NSD2: variants seen among roughly 807,000 people sequenced by gnomAD.
NSD2 encodes histone-lysine N-methyltransferase NSD2.
NSD2 carries 12 observed loss-of-function variants against 139.0 expected under a neutral mutation model. The ratio of observed to expected loss-of-function variants is 0.09; its 90% CI spans 0.06 to 0.14. The LOEUF (loss-of-function observed/expected upper bound fraction) is 0.14. NSD2 is among the 10% of genes least tolerant of loss of function. NSD2 has a pLI of 1.00. For synonymous variants in NSD2, 669 were observed against 648.7 expected, an observed-to-expected ratio of 1.03 and a Z score of -0.48; for missense variants, 1,155 against 1,745.0, an observed-to-expected ratio of 0.66 and a Z score of 6.02.
At chr4:1,873,280 C>A (rs191279552) in intron 1 of NSD2, among the ~76,000 whole-genome samples, 1 of 152,228 alleles carries the variant, frequency 6.6e-6, no homozygotes, top group East Asian at 1.9e-4. Context: ...CAGAGTCTGG[C>A]CTCTGATTAT....
At chr4:1,884,387 G>A (rs147770113) in intron 1 of NSD2, among the ~76,000 whole-genome samples, 2,263 of 149,860 alleles carry the variant, frequency 0.015, 24 homozygotes, top group Non-Finnish European at 0.024. Flanking sequence ...GTGAGCCACC[G>A]CAGGCCCCTT....
rs1724802272 is a variant in NSD2, at chr4:1,956,350, G to A, written c.2881+162G>A. On this transcript the variant is annotated intron_variant, in intron 15 of 21. Transcript: ENST00000508803. This position sits in a 1 kb window ranked among gnomAD's most constrained non-coding sequence, Gnocchi z 5.3. ...GTTTGCAGTCTGGTTTATTTGTTGA[G>A]CATAGAATAAGATACACTGATAACT... Among the ~76,000 whole-genome samples the A allele has an allele frequency of 6.6e-6, 1 of 152,112 alleles. No homozygotes were observed. The highest frequency in any genetic ancestry group is 1.5e-5 in the Non-Finnish European group (1 of 68,034).
At chr4:1,964,626 CG>C (rs1218616711) in intron 18 of NSD2, among the ~76,000 whole-genome samples, 3 of 150,760 alleles carry the variant, frequency 2.0e-5, no homozygotes, top group African/African-American at 7.3e-5. Context: ...CAAAGAGGTG[CG>C]CTGCGCTGCC....
intron 3 of NSD2, among the ~76,000 whole-genome samples, chr4:1,907,820 C>T (rs1370560712): frequency 6.6e-6 from 1 of 152,002 alleles, no homozygotes; most frequent in Non-Finnish European, 1.5e-5. Flanking sequence ...ACCATGTTGG[C>T]CAGGATGATC....
chr4:1,952,315 G>C (rs992405096), intron 11 of NSD2, 84 bp downstream of exon 11: 27 of 1,573,524 alleles, frequency 1.7e-5, no homozygotes, highest in Non-Finnish European at 2.2e-5. Flanking sequence ...GCCCTGAGCT[G>C]CCTGCAGAGG....
intron 17 of NSD2, among the ~76,000 whole-genome samples, chr4:1,960,186 A>G (rs1725229946): frequency 6.6e-6 from 1 of 152,220 alleles, no homozygotes; most frequent in Non-Finnish European, 1.5e-5. Flanking sequence ...TTGAATTATT[A>G]CAATTGAATA....
At chr4:1,945,268 C>T (rs1577510495) in intron 9 of NSD2, 14 of 1,066,406 alleles carry the variant, frequency 1.3e-5, no homozygotes, top group Non-Finnish European at 1.6e-5. Flanking sequence ...TCTCATGTAG[C>T]TGGAGACGTT....
At chr4:1,908,996 T>A (rs1231898762) in intron 3 of NSD2, among the ~76,000 whole-genome samples, 1 of 152,152 alleles carries the variant, frequency 6.6e-6, no homozygotes, top group African/African-American at 2.4e-5. Flanking sequence ...ATGGACTTGT[T>A]AAATGGTAAC....
intron 1 of NSD2, among the ~76,000 whole-genome samples, chr4:1,873,129 C>T (rs1713992712): frequency 6.6e-6 from 1 of 152,176 alleles, no homozygotes; most frequent in African/African-American, 2.4e-5. Context: ...ATTTTCTCAG[C>T]CACCCAAACC....
At chr4:1,874,158 TTTTTG>T (rs1224364271) in intron 1 of NSD2, among the ~76,000 whole-genome samples, 1 of 152,220 alleles carries the variant, frequency 6.6e-6, no homozygotes, top group East Asian at 1.9e-4. Context: ...TGCCTTTTTG[TTTTTG>T]TTTTGTTTTT....
intron 1 of NSD2, among the ~76,000 whole-genome samples, chr4:1,898,162 C>T (rs1369319750): frequency 6.6e-6 from 1 of 151,764 alleles, no homozygotes; most frequent in Non-Finnish European, 1.5e-5. Flanking sequence ...TCATAGCTCA[C>T]TGCAGCCTTG....
chr4:1,910,325 A>G (rs1038782779), intron 3 of NSD2, among the ~76,000 whole-genome samples: 1 of 151,958 alleles, frequency 6.6e-6, no homozygotes, highest in African/African-American at 2.4e-5. Context: ...TCCCAGGTTC[A>G]AGTGATTCTC....
At chr4:1,914,190 T>A (rs1719054931) in intron 3 of NSD2, among the ~76,000 whole-genome samples, 1 of 151,820 alleles carries the variant, frequency 6.6e-6, no homozygotes, top group South Asian at 2.1e-4. Context: ...GCCCAGCTCA[T>A]TTTTGTATTT....
At chr4:1,908,677 G>C (rs1019889546) in intron 3 of NSD2, among the ~76,000 whole-genome samples, 1 of 152,122 alleles carries the variant, frequency 6.6e-6, no homozygotes, top group Non-Finnish European at 1.5e-5. Flanking sequence ...CCTGGTAGGC[G>C]ATGACCACCA....
intron 5 of NSD2, among the ~76,000 whole-genome samples, chr4:1,926,082 C>T (rs1435171941): frequency 6.6e-6 from 1 of 151,346 alleles, no homozygotes; most frequent in Admixed American, 6.6e-5. Context: ...GGATTACAGA[C>T]ATGAGCCAGT....
intron 18 of NSD2, among the ~76,000 whole-genome samples, chr4:1,962,756 G>A (rs990256986): frequency 2.0e-5 from 3 of 152,170 alleles, no homozygotes; most frequent in South Asian, 2.1e-4. Context: ...CTGCAGCCTC[G>A]ATCTCCTGGG....
At chr4:1,932,955 A>AG (rs925476959) in intron 6 of NSD2, among the ~76,000 whole-genome samples, 3 of 152,162 alleles carry the variant, frequency 2.0e-5, no homozygotes, top group African/African-American at 7.2e-5. Context: ...GACCTGCCTG[A>AG]GGGGGGCCTC....
At chr4:1,964,728 C>T (rs959459181) in intron 18 of NSD2, among the ~76,000 whole-genome samples, 1 of 152,116 alleles carries the variant, frequency 6.6e-6, no homozygotes, top group Non-Finnish European at 1.5e-5. Flanking sequence ...CACCAATTGC[C>T]CCCCTCTTTC....
At chr4:1,876,719 A>G (rs1000282389) in intron 1 of NSD2, among the ~76,000 whole-genome samples, 2 of 152,130 alleles carry the variant, frequency 1.3e-5, no homozygotes, top group Admixed American at 1.3e-4. Flanking sequence ...AAACCCCAAT[A>G]GTGAGACTAC....
Sources: allele counts gnomAD v4.1 joint callset (sites outside exome capture counted in the v4.1 genomes callset), GRCh38; gene constraint gnomAD v4.1.1; non-coding constraint Gnocchi (gnomAD v3.1); transcripts MANE v1.5; gene names NCBI Gene and HGNC (gene_info 2026-07-23, HGNC 2026-07-21).